SPAG16: variants seen among roughly 807,000 people sequenced by gnomAD.
SPAG16 encodes sperm-associated antigen 16 protein.
A neutral mutation model predicts 80.4 loss-of-function variants in SPAG16; 86 were observed. The ratio of observed to expected loss-of-function variants is 1.07; its 90% CI spans 0.90 to 1.28. The LOEUF (loss-of-function observed/expected upper bound fraction) is 1.28, where lower values mean the gene tolerates loss of function less well. Among genes scored for constraint, SPAG16 ranks in the 50% most tolerant of loss-of-function variants. SPAG16 has a pLI of 0.00. For synonymous variants in SPAG16, 294 were observed against 265.9 expected, an observed-to-expected ratio of 1.11 and a Z score of -1.03; for missense variants, 870 against 765.3, an observed-to-expected ratio of 1.14 and a Z score of -1.61.
intron 13 of SPAG16, among the ~76,000 whole-genome samples, chr2:214,039,307 T>A (rs946618493): frequency 6.6e-6 from 1 of 152,188 alleles, no homozygotes; most frequent in Non-Finnish European, 1.5e-5. Flanking sequence ...TGATGAGCAT[T>A]TTTTCATGTG....
At chr2:213,481,074 A>T (rs116440624) in intron 9 of SPAG16, among the ~76,000 whole-genome samples, 13 of 152,324 alleles carry the variant, frequency 8.5e-5, no homozygotes, top group Non-Finnish European at 1.5e-4. Flanking sequence ...CAAGCCATTC[A>T]ATTCAGCAAT....
At chr2:213,869,566 T>G (rs569529634) in intron 11 of SPAG16, among the ~76,000 whole-genome samples, 3 of 151,618 alleles carry the variant, frequency 2.0e-5, no homozygotes, top group South Asian at 2.1e-4. Flanking sequence ...AGGTGTATAT[T>G]ATGCTTCTGT....
chr2:213,626,620 A>G (rs2061967945), intron 10 of SPAG16, among the ~76,000 whole-genome samples: 1 of 150,110 alleles, frequency 6.7e-6, no homozygotes, highest in Non-Finnish European at 1.5e-5. Context: ...GACACACTAG[A>G]TATTATTACT....
chr2:214,120,604 G>A (rs922594371), intron 14 of SPAG16, among the ~76,000 whole-genome samples: 3 of 151,662 alleles, frequency 2.0e-5, no homozygotes, highest in Admixed American at 2.0e-4. Flanking sequence ...GCTCTGTATT[G>A]TTGTACCCAA....
At chr2:214,039,292 A>G (rs964731375) in intron 13 of SPAG16, among the ~76,000 whole-genome samples, 8 of 152,334 alleles carry the variant, frequency 5.3e-5, no homozygotes, top group Non-Finnish European at 1.0e-4. Context: ...TCTGATGGCC[A>G]GTGATGATGA....
intron 15 of SPAG16, among the ~76,000 whole-genome samples, chr2:214,300,557 T>C (rs1394100802): frequency 6.6e-6 from 1 of 152,108 alleles, no homozygotes; most frequent in Non-Finnish European, 1.5e-5. Context: ...AAGTAAAAGC[T>C]AACAATTGTC....
At chr2:213,783,267 T>C (rs2070127246) in intron 10 of SPAG16, among the ~76,000 whole-genome samples, 1 of 151,128 alleles carries the variant, frequency 6.6e-6, no homozygotes, top group South Asian at 2.1e-4. Context: ...ATGGTGTATA[T>C]GTGCCACATT....
intron 10 of SPAG16, among the ~76,000 whole-genome samples, chr2:213,860,044 G>A (rs973046083): frequency 3.9e-5 from 5 of 127,768 alleles, no homozygotes; most frequent in African/African-American, 1.1e-4. Flanking sequence ...TTATGGAGTT[G>A]AGAATAACAC....
At chr2:213,500,537 A>G (rs2074696296) in intron 10 of SPAG16, among the ~76,000 whole-genome samples, 2 of 152,196 alleles carry the variant, frequency 1.3e-5, no homozygotes, top group African/African-American at 4.8e-5. Context: ...CTCAATTCCT[A>G]CCTTGTGTTC....
intron 12 of SPAG16, among the ~76,000 whole-genome samples, chr2:213,979,842 G>A (rs75076803): frequency 0.028 from 4,263 of 152,042 alleles, 110 homozygotes; most frequent in Non-Finnish European, 0.037. Flanking sequence ...GTTTTCCATA[G>A]TACATAATAT....
At chr2:213,839,763 A>G (rs2074277330) in intron 10 of SPAG16, among the ~76,000 whole-genome samples, 2 of 152,172 alleles carry the variant, frequency 1.3e-5, no homozygotes, top group Non-Finnish European at 1.5e-5. Flanking sequence ...ATGAAATTTC[A>G]GGGTTTTTAT....
intron 15 of SPAG16, among the ~76,000 whole-genome samples, chr2:214,352,980 G>A (rs914099697): frequency 2.6e-5 from 4 of 151,764 alleles, no homozygotes; most frequent in Non-Finnish European, 5.9e-5. Flanking sequence ...GGTGTGTCAG[G>A]GTCCTCCATT....
At chr2:213,642,202 C>T (rs763317991) in intron 10 of SPAG16, among the ~76,000 whole-genome samples, 2 of 152,186 alleles carry the variant, frequency 1.3e-5, no homozygotes, top group African/African-American at 2.4e-5. Context: ...GAGGTTGCAG[C>T]AGCAAGCCAC....
intron 10 of SPAG16, among the ~76,000 whole-genome samples, chr2:213,529,453 T>C (rs1199810778): frequency 6.6e-6 from 1 of 152,218 alleles, no homozygotes. Flanking sequence ...CTTGGCCATG[T>C]GAGCCAGCTC....
At chr2:213,915,963 G>T (rs1385122514) in intron 11 of SPAG16, among the ~76,000 whole-genome samples, 4 of 152,102 alleles carry the variant, frequency 2.6e-5, no homozygotes, top group Non-Finnish European at 5.9e-5. Flanking sequence ...TTTTGATGGG[G>T]TTGTTTTGTT....
intron 12 of SPAG16, among the ~76,000 whole-genome samples, chr2:213,979,747 C>G (rs1376800500): frequency 6.6e-6 from 1 of 152,066 alleles, no homozygotes; most frequent in Non-Finnish European, 1.5e-5. Flanking sequence ...ATATCGCCAC[C>G]TAAACCTCAT....
chr2:213,660,272 G>T (rs199814638), intron 10 of SPAG16, among the ~76,000 whole-genome samples: 7 of 140,532 alleles, frequency 5.0e-5, no homozygotes, highest in Non-Finnish European at 7.8e-5. Context: ...TAGTGTTGTT[G>T]TTTTTTTTTT....
chr2:214,012,599 T>G (rs955645931), intron 12 of SPAG16, among the ~76,000 whole-genome samples: 1 of 151,906 alleles, frequency 6.6e-6, no homozygotes, highest in African/African-American at 2.4e-5. Flanking sequence ...CTGGGCCAAC[T>G]GACTGATTAT....
chr2:214,338,394 G>A (rs1697445783), intron 15 of SPAG16, among the ~76,000 whole-genome samples: 1 of 151,896 alleles, frequency 6.6e-6, no homozygotes, highest in Non-Finnish European at 1.5e-5. Context: ...CATGCCTGTA[G>A]TCCCAGCTAC....
Sources: gnomAD v4.1 joint callset for allele counts (sites outside exome capture counted in the v4.1 genomes callset) on GRCh38, gnomAD v4.1.1 for gene constraint, MANE v1.5 for transcripts, NCBI Gene and HGNC (gene_info 2026-07-23, HGNC 2026-07-21) for gene names.